The following DOK6 variants were observed in gnomAD, a reference collection of about 807,000 sequenced individuals.
DOK6 encodes the protein downstream of tyrosine kinase 6.
DOK6 carries 22 observed loss-of-function variants against 44.0 expected under a neutral mutation model. That is an observed-to-expected ratio of 0.50 (90% confidence interval 0.36 to 0.71). The LOEUF is 0.71. Ranked by LOEUF, DOK6 falls within the 30% of genes least tolerant of loss-of-function variation. The pLI is 0.00. For missense variants in DOK6, 340 were observed against 416.4 expected, an observed-to-expected ratio of 0.82 and a Z score of 1.60; for synonymous variants, 166 against 145.5, an observed-to-expected ratio of 1.14 and a Z score of -1.01.
intron 5 of DOK6, among the ~76,000 whole-genome samples, chr18:69,709,909 G>A (rs1025375566): frequency 2.0e-5 from 3 of 152,270 alleles, no homozygotes; most frequent in African/African-American, 7.2e-5. Flanking sequence ...AGGCACCACT[G>A]CTCAAGCCTA....
At chr18:69,565,513 GTGTGTGTGTA>G (rs1258743105) in intron 2 of DOK6, among the ~76,000 whole-genome samples, 16 of 61,336 alleles carry the variant, frequency 2.6e-4, no homozygotes, top group African/African-American at 2.1e-3. Flanking sequence ...GTGTGTGTGT[GTGTGTGTGTA>G]TATATATATA....
intron 2 of DOK6, among the ~76,000 whole-genome samples, chr18:69,583,964 C>A (rs9748375): frequency 2.0e-5 from 3 of 151,142 alleles, no homozygotes; most frequent in Non-Finnish European, 3.0e-5. Flanking sequence ...AAAAATTAGC[C>A]AGGCGTGGTG....
intron 1 of DOK6, among the ~76,000 whole-genome samples, chr18:69,426,394 A>G (rs1978636362): frequency 6.6e-6 from 1 of 152,198 alleles, no homozygotes; most frequent in Non-Finnish European, 1.5e-5. Flanking sequence ...TGACTTTTAA[A>G]ATTAGAAACG....
At position 69,776,126 on chromosome 18, in the gene DOK6, T is replaced by C. The variant is rs1980054589; in HGVS notation, c.856+18253T>C. ...ATGAGACTTTTAAAAAGGTACATCT[T>C]ATAAATATTAGACTGCATGAAAAAA... On this transcript the variant is annotated intron_variant, in intron 7 of 7. Coordinates refer to ENST00000382713, the MANE Select transcript of DOK6 (RefSeq NM_152721.6). 3.9e-5 allele frequency among the ~76,000 whole-genome samples: 6 copies of C among 151,996 alleles called. 1 individual carries two copies. Among genetic ancestry groups the C allele is most frequent in the Admixed American group, 2.0e-4 (3 of 15,220 alleles).
intron 3 of DOK6, among the ~76,000 whole-genome samples, chr18:69,607,213 G>T (rs1026772988): frequency 6.6e-6 from 1 of 152,176 alleles, no homozygotes; most frequent in Admixed American, 6.5e-5. Context: ...TACCCCCAGG[G>T]GGAGTGAGCA....
At chr18:69,516,777 G>A (rs1981536297) in intron 1 of DOK6, among the ~76,000 whole-genome samples, 1 of 151,578 alleles carries the variant, frequency 6.6e-6, no homozygotes, top group Admixed American at 6.6e-5. Context: ...CCTTGCTCAA[G>A]TGATTCCCCT....
At chr18:69,718,199 C>A (rs1986926696) in intron 5 of DOK6, among the ~76,000 whole-genome samples, 1 of 152,084 alleles carries the variant, frequency 6.6e-6, no homozygotes, top group Admixed American at 6.5e-5. Flanking sequence ...CCTAAGCAAC[C>A]AAAGTAATTT....
chr18:69,495,150 C>T (rs1980845977), intron 1 of DOK6, among the ~76,000 whole-genome samples: 1 of 152,242 alleles, frequency 6.6e-6, no homozygotes, highest in South Asian at 2.1e-4. Context: ...GCTTCAACAG[C>T]TGCCCCCAGG....
At chr18:69,504,203 T>C (rs1474735134) in intron 1 of DOK6, among the ~76,000 whole-genome samples, 4 of 152,088 alleles carry the variant, frequency 2.6e-5, no homozygotes, top group African/African-American at 9.7e-5. Context: ...TAAGTCATTT[T>C]AGAAATATGT....
intron 7 of DOK6, among the ~76,000 whole-genome samples, chr18:69,805,472 A>G (rs1013345356): frequency 1.3e-5 from 2 of 152,170 alleles, no homozygotes; most frequent in South Asian, 2.1e-4. Context: ...TTTAAAATAC[A>G]TATTTCTGTA....
chr18:69,448,877 G>A (rs80311376), intron 1 of DOK6, among the ~76,000 whole-genome samples: 30,282 of 152,138 alleles, frequency 0.2, 3,406 homozygotes, highest in Non-Finnish European at 0.23. Flanking sequence ...TATTTCAGAT[G>A]TGGCAATATA....
chr18:69,677,991 G>A, intron 4 of DOK6, 138 bp downstream of exon 4: 1 of 1,336,350 alleles, frequency 7.5e-7, no homozygotes, highest in Non-Finnish European at 9.8e-7. Flanking sequence ...GCGCAAACCT[G>A]TAATCCCTGC....
intron 1 of DOK6, among the ~76,000 whole-genome samples, chr18:69,538,531 A>G (rs1172462495): frequency 3.9e-5 from 6 of 151,916 alleles, no homozygotes; most frequent in Admixed American, 3.9e-4. Context: ...ACAGGCATCC[A>G]CCACCATGCC....
At chr18:69,796,427 G>C (rs1550132) in intron 7 of DOK6, among the ~76,000 whole-genome samples, 146,926 of 152,238 alleles carry the variant, frequency 0.97, 71,116 homozygotes, top group East Asian at 1. Flanking sequence ...GGCCACAAGA[G>C]AGCAATTTCT....
intron 3 of DOK6, among the ~76,000 whole-genome samples, chr18:69,621,227 T>C (rs1393442213): frequency 6.6e-6 from 1 of 152,164 alleles, no homozygotes. Flanking sequence ...GTGATAAGGT[T>C]GGGAGAAAGT....
intron 3 of DOK6, among the ~76,000 whole-genome samples, chr18:69,620,228 C>A (rs1175137199): frequency 2.6e-5 from 4 of 151,992 alleles, no homozygotes; most frequent in Non-Finnish European, 5.9e-5. Flanking sequence ...TTTGCATTTT[C>A]TGAAATTTAT....
chr18:69,466,676 C>T (rs1470819355), intron 1 of DOK6, among the ~76,000 whole-genome samples: 1 of 151,338 alleles, frequency 6.6e-6, no homozygotes, highest in Admixed American at 6.6e-5. Flanking sequence ...TGTATGAGAT[C>T]ATAAGGGAGA....
intron 5 of DOK6, among the ~76,000 whole-genome samples, chr18:69,706,788 G>T (rs993562595): frequency 1.1e-4 from 16 of 148,648 alleles, no homozygotes; most frequent in Non-Finnish European, 1.8e-4. Context: ...GCGGTGTTTG[G>T]TTTTTTTGTC....
At chr18:69,755,331 GAGAAGAA>G (rs1212363718) in intron 6 of DOK6, among the ~76,000 whole-genome samples, 6 of 152,198 alleles carry the variant, frequency 3.9e-5, no homozygotes, top group Admixed American at 1.3e-4. Context: ...ATAAAAAAAA[GAGAAGAA>G]AAAGCACTTT....
Sources: allele counts gnomAD v4.1 joint callset (sites outside exome capture counted in the v4.1 genomes callset), GRCh38; gene constraint gnomAD v4.1.1; transcripts MANE v1.5; gene names NCBI Gene and HGNC (gene_info 2026-07-23, HGNC 2026-07-21).